The following MAGI2 variants were observed in gnomAD, a reference collection of about 807,000 sequenced individuals.
MAGI2 encodes membrane-associated guanylate kinase, WW and PDZ domain-containing protein 2.
MAGI2 carries 35 observed loss-of-function variants against 133.3 expected under a neutral mutation model. The observed-to-expected ratio is 0.26, with a 90% CI of 0.20 to 0.35. The LOEUF (loss-of-function observed/expected upper bound fraction) is 0.35, where lower values mean the gene tolerates loss of function less well. Ranked by LOEUF, MAGI2 falls within the 10% of genes least tolerant of loss-of-function variation. The pLI is 1.00. For missense variants in MAGI2, 1,636 were observed against 1,863.4 expected (o/e 0.88, Z 2.25); for synonymous variants, 729 against 710.6 (o/e 1.03, Z -0.41).
rs368179491 is a variant in MAGI2 at position 78,059,777 on chromosome 7, A to ATATT, written c.3706+19169_3706+19170insAATA. On this transcript the variant is annotated intron_variant, in intron 21 of 21. Transcript: ENST00000354212. ...AACAATGCCATATATATATATATATATTTTTTTTCTGGAGTCCCTACAGCA... is the reference window on the plus strand; with the variant it reads ...AACAATGCCATATATATATATATATATATTTTTTTTTTCTGGAGTCCCTACAGCA... Among the ~76,000 whole-genome samples, 1,376 of 146,092 alleles carry ATATT rather than the reference A, an allele frequency of 9.4e-3. 15 individuals carry two copies. Among genetic ancestry groups the ATATT allele is most frequent in the South Asian group, 0.015 (70 of 4,560 alleles).
At chr7:79,291,566 C>T (rs1294636867) in intron 1 of MAGI2, among the ~76,000 whole-genome samples, 4 of 152,144 alleles carry the variant, frequency 2.6e-5, no homozygotes, top group Admixed American at 6.5e-5. Flanking sequence ...TCCATATACT[C>T]ACCAATACTC....
intron 1 of MAGI2, among the ~76,000 whole-genome samples, chr7:79,315,325 ATTTT>A (rs775143230): frequency 0.019 from 1,755 of 92,472 alleles, 37 homozygotes; most frequent in African/African-American, 0.054. Flanking sequence ...TGCCCAGTTA[ATTTT>A]TTTTTTTTTT....
intron 1 of MAGI2, among the ~76,000 whole-genome samples, chr7:79,272,863 A>T (rs904386463): frequency 2.6e-5 from 4 of 152,060 alleles, no homozygotes; most frequent in Non-Finnish European, 5.9e-5. Context: ...CACCACTCGA[A>T]TTCGAGAGCA....
intron 2 of MAGI2, among the ~76,000 whole-genome samples, chr7:78,993,155 CTAG>C (rs1805959387): frequency 6.6e-6 from 1 of 152,012 alleles, no homozygotes; most frequent in South Asian, 2.1e-4. Context: ...CATAACTATC[CTAG>C]TTTTCTAAAG....
chr7:78,939,491 G>T lies in MAGI2; in HGVS notation c.418+67599C>A, dbSNP rs1209980698. On this transcript the variant is annotated intron_variant, in intron 2 of 21. Transcript: ENST00000354212. ...TGTAAGTAGAAAAGGCTACATAGAA[G>T]AAAGAGCAAATGGTAAAGTTGTAAA... is the stretch of plus-strand genomic sequence containing the variant. Among the ~76,000 whole-genome samples the T allele has an allele frequency of 2.6e-5, 4 of 152,292 alleles. No individual in the cohort carries two copies. The South Asian group carries it at 6.2e-4, about 24-fold the overall frequency.
chr7:78,581,223 G>A (rs1160936863), intron 3 of MAGI2, among the ~76,000 whole-genome samples: 1 of 152,140 alleles, frequency 6.6e-6, no homozygotes, highest in Non-Finnish European at 1.5e-5. Context: ...ATATGTATAA[G>A]CACCTTGACT....
intron 2 of MAGI2, among the ~76,000 whole-genome samples, chr7:78,870,214 G>A (rs1447388980): frequency 6.6e-6 from 1 of 151,986 alleles, no homozygotes; most frequent in Non-Finnish European, 1.5e-5. Flanking sequence ...GCTGGGCATG[G>A]TGGCATGGAC....
At chr7:78,373,864 C>T (rs895672476) in intron 6 of MAGI2, among the ~76,000 whole-genome samples, 1 of 152,120 alleles carries the variant, frequency 6.6e-6, no homozygotes, top group African/African-American at 2.4e-5. Context: ...ATTTTCTCTT[C>T]CTGCATTAAT....
At chr7:78,282,162 T>TA (rs1183847717) in intron 9 of MAGI2, among the ~76,000 whole-genome samples, 4 of 144,934 alleles carry the variant, frequency 2.8e-5, no homozygotes, top group Non-Finnish European at 5.9e-5. Context: ...AACTTTGGAT[T>TA]TAAAAAGAAG....
chr7:78,144,337 A>G (rs1220015202), intron 16 of MAGI2, among the ~76,000 whole-genome samples: 1 of 152,090 alleles, frequency 6.6e-6, no homozygotes, highest in Non-Finnish European at 1.5e-5. Context: ...TATCAATGTT[A>G]GTCAATATCT....
chr7:79,185,516 A>ATTTT (rs71095383), intron 1 of MAGI2, among the ~76,000 whole-genome samples: 9 of 126,594 alleles, frequency 7.1e-5, no homozygotes, highest in Middle Eastern at 4.3e-3. Context: ...CAATTTGGTC[A>ATTTT]TTTTTTTTTT....
At chr7:79,103,870 T>A (rs377308884) in intron 1 of MAGI2, among the ~76,000 whole-genome samples, 93,584 of 151,302 alleles carry the variant, frequency 0.62, 34,798 homozygotes, top group Non-Finnish European at 0.83. Context: ...TGGCTAATTT[T>A]TTTTATATTT....
intron 2 of MAGI2, among the ~76,000 whole-genome samples, chr7:78,710,242 C>A (rs576754641): frequency 1.3e-5 from 2 of 152,176 alleles, no homozygotes; most frequent in Admixed American, 1.3e-4. Flanking sequence ...AGTACCTAGT[C>A]CAAATTCACA....
intron 6 of MAGI2, among the ~76,000 whole-genome samples, chr7:78,409,704 G>A (rs1193262085): frequency 6.6e-6 from 1 of 152,026 alleles, no homozygotes; most frequent in Non-Finnish European, 1.5e-5. Flanking sequence ...ATGACAGAAA[G>A]CTATCATAAA....
At chr7:78,738,978 T>C (rs1047259299) in intron 2 of MAGI2, among the ~76,000 whole-genome samples, 2 of 152,104 alleles carry the variant, frequency 1.3e-5, no homozygotes, top group African/African-American at 2.4e-5. Context: ...AGCACAAACA[T>C]AGAGAATCTA....
At chr7:79,049,128 T>C (rs1812443430) in intron 1 of MAGI2, among the ~76,000 whole-genome samples, 1 of 152,130 alleles carries the variant, frequency 6.6e-6, no homozygotes, top group East Asian at 1.9e-4. Flanking sequence ...TTAATGTTAC[T>C]CATCCACAAA....
intron 2 of MAGI2, among the ~76,000 whole-genome samples, chr7:78,669,722 C>A (rs1814110393): frequency 6.6e-6 from 1 of 152,124 alleles, no homozygotes; most frequent in Non-Finnish European, 1.5e-5. Flanking sequence ...AGCTTATCCA[C>A]CATGATCAAG....
At chr7:79,320,164 G>A (rs531190125) in intron 1 of MAGI2, among the ~76,000 whole-genome samples, 8 of 151,956 alleles carry the variant, frequency 5.3e-5, no homozygotes, top group Non-Finnish European at 1.0e-4. Flanking sequence ...GCTTTAGAGA[G>A]TAAAAGAATG....
At chr7:78,209,599 A>T (rs2049432) in intron 10 of MAGI2, among the ~76,000 whole-genome samples, 132,668 of 151,970 alleles carry the variant, frequency 0.87, 59,181 homozygotes, top group East Asian at 0.96. Context: ...CTTTCCTTCC[A>T]TACCACCAAA....
Sources: gnomAD v4.1 joint callset for allele counts (sites outside exome capture counted in the v4.1 genomes callset) on GRCh38, gnomAD v4.1.1 for gene constraint, MANE v1.5 for transcripts, NCBI Gene and HGNC (gene_info 2026-07-23, HGNC 2026-07-21) for gene names.